Variants in ADARB2 observed in about 807,000 individuals in gnomAD.
ADARB2 encodes adenosine deaminase RNA specific B2 (inactive), also known as inactive double-stranded RNA-specific editase B2.
A neutral mutation model predicts 62.2 loss-of-function variants in ADARB2; 25 were observed. That is an observed-to-expected ratio of 0.40 (90% confidence interval 0.29 to 0.56). The LOEUF (loss-of-function observed/expected upper bound fraction) is 0.56. Among genes scored for constraint, ADARB2 ranks in the 20% least tolerant of loss-of-function variants. ADARB2 has a pLI of 0.43. For missense variants in ADARB2, 1,071 were observed against 1,077.4 expected (o/e 0.99, Z 0.08); for synonymous variants, 572 against 500.8 (o/e 1.14, Z -1.90).
intron 6 of ADARB2, among the ~76,000 whole-genome samples, chr10:1,218,111 C>T (rs953584236): frequency 1.4e-4 from 22 of 152,318 alleles, no homozygotes; most frequent in East Asian, 5.8e-4. Context: ...AGTGCAGTGG[C>T]GCAATCTCAG....
intron 6 of ADARB2, among the ~76,000 whole-genome samples, chr10:1,221,517 G>C (rs1221735349): frequency 1.3e-5 from 2 of 151,660 alleles, no homozygotes; most frequent in African/African-American, 2.4e-5. Context: ...GCTGCACCCA[G>C]TAACTCATCA....
intron 2 of ADARB2, among the ~76,000 whole-genome samples, chr10:1,367,224 T>C (rs1161510817): frequency 6.6e-6 from 1 of 152,260 alleles, no homozygotes; most frequent in Non-Finnish European, 1.5e-5. Context: ...CATCCGGCTC[T>C]TGGCCTCAGC....
intron 1 of ADARB2, among the ~76,000 whole-genome samples, chr10:1,618,032 G>T (rs563998691): frequency 1.2e-4 from 19 of 152,252 alleles, no homozygotes; most frequent in African/African-American, 4.3e-4. Flanking sequence ...ATGCCCTTTA[G>T]TTTCTGTGAC....
chr10:1,609,553 C>G (rs1833541242), intron 1 of ADARB2, among the ~76,000 whole-genome samples: 1 of 152,264 alleles, frequency 6.6e-6, no homozygotes, highest in Admixed American at 6.5e-5. Context: ...ACCTTCGGTC[C>G]TAAGCCAGGG....
chr10:1,589,526 G>A (rs1833223998), intron 1 of ADARB2, among the ~76,000 whole-genome samples: 3 of 152,200 alleles, frequency 2.0e-5, no homozygotes, highest in Admixed American at 2.0e-4. Flanking sequence ...CATGGTCCAG[G>A]CGTCCACAGT....
At chr10:1,207,910 G>A (rs1589151606) in intron 7 of ADARB2, among the ~76,000 whole-genome samples, 1 of 152,174 alleles carries the variant, frequency 6.6e-6, no homozygotes, top group East Asian at 1.9e-4. Context: ...TAGGAGCCTG[G>A]GGTTTGGCTG....
intron 7 of ADARB2, among the ~76,000 whole-genome samples, chr10:1,207,394 C>T (rs561878319): frequency 7.9e-4 from 120 of 152,212 alleles, no homozygotes; most frequent in Non-Finnish European, 1.2e-3. Flanking sequence ...ATTTTTAAAC[C>T]AGACTGGGGG....
intron 1 of ADARB2, among the ~76,000 whole-genome samples, chr10:1,407,487 G>T (rs1429538161): frequency 6.6e-6 from 1 of 152,216 alleles, no homozygotes; most frequent in African/African-American, 2.4e-5. Flanking sequence ...CTTAAAAAAT[G>T]GTTTCAGGTT....
At chr10:1,420,006 T>C (rs567303570) in intron 1 of ADARB2, among the ~76,000 whole-genome samples, 1 of 152,374 alleles carries the variant, frequency 6.6e-6, no homozygotes, top group African/African-American at 2.4e-5. Flanking sequence ...ATGCCCAGTC[T>C]GGCTTGAGAA....
At chr10:1,393,296 T>C (rs1210246355) in intron 1 of ADARB2, among the ~76,000 whole-genome samples, 1 of 152,230 alleles carries the variant, frequency 6.6e-6, no homozygotes, top group Non-Finnish European at 1.5e-5. Context: ...AGGCGTGCAA[T>C]GCATAACAAT....
intron 6 of ADARB2, among the ~76,000 whole-genome samples, chr10:1,227,155 A>G (rs1042598612): frequency 1.3e-5 from 2 of 152,212 alleles, no homozygotes; most frequent in African/African-American, 2.4e-5. Flanking sequence ...TTTGATCTGG[A>G]CTGCTGTGCT....
chr10:1,697,717 G>A (rs1474501420), intron 1 of ADARB2, among the ~76,000 whole-genome samples: 1 of 152,128 alleles, frequency 6.6e-6, no homozygotes, highest in African/African-American at 2.4e-5. Flanking sequence ...GTGAGTCCCC[G>A]GCGGGCTGAC....
rs114702982 is a variant in ADARB2, at chr10:1,312,110, G to A, written c.1078-41041C>T. 7.3e-3 allele frequency among the ~76,000 whole-genome samples: 1,117 copies of A among 152,332 alleles called. 17 individuals are homozygous for A. Among genetic ancestry groups the A allele is most frequent in the African/African-American group, 0.025 (1,022 of 41,562 alleles). On this transcript the variant is annotated intron_variant, in intron 3 of 9. Coordinates refer to ENST00000381312, the MANE Select transcript of ADARB2 (RefSeq NM_018702.4). ...CAATAATTCAGCTTGGAGGTGAAAT[G>A]GAACAGAAAAATAACTTTCTGGCTT...
intron 1 of ADARB2, among the ~76,000 whole-genome samples, chr10:1,624,143 G>A (rs552854617): frequency 6.6e-6 from 1 of 152,110 alleles, no homozygotes; most frequent in East Asian, 1.9e-4. Flanking sequence ...CTGAGGTGGG[G>A]GTATCACCTG....
At chr10:1,711,826 A>T (rs1255283371) in intron 1 of ADARB2, among the ~76,000 whole-genome samples, 1 of 152,238 alleles carries the variant, frequency 6.6e-6, no homozygotes, top group African/African-American at 2.4e-5. Flanking sequence ...CTAGGATAAG[A>T]AGAGGCTCTG....
intron 1 of ADARB2, among the ~76,000 whole-genome samples, chr10:1,521,345 G>T (rs116993471): frequency 6.6e-6 from 1 of 152,040 alleles, no homozygotes; most frequent in East Asian, 1.9e-4. Context: ...CTAACCACCT[G>T]TACTGTCTTA....
intron 1 of ADARB2, among the ~76,000 whole-genome samples, chr10:1,394,352 G>A (rs1832593889): frequency 6.6e-6 from 1 of 152,132 alleles, no homozygotes; most frequent in Non-Finnish European, 1.5e-5. Context: ...CAAGGCCCGC[G>A]GGTCACCTCT....
intron 1 of ADARB2, among the ~76,000 whole-genome samples, chr10:1,544,503 C>T (rs1325210684): frequency 6.6e-6 from 1 of 152,112 alleles, no homozygotes; most frequent in Non-Finnish European, 1.5e-5. Flanking sequence ...TTCCAGAGGA[C>T]CCAGCCAGAG....
At chr10:1,434,161 C>T (rs1830807508) in intron 1 of ADARB2, among the ~76,000 whole-genome samples, 1 of 151,956 alleles carries the variant, frequency 6.6e-6, no homozygotes. Flanking sequence ...TAAAATAACA[C>T]GAAGATTCAG....
Sources: allele counts gnomAD v4.1 joint callset (sites outside exome capture counted in the v4.1 genomes callset), GRCh38; gene constraint gnomAD v4.1.1; transcripts MANE v1.5; gene names NCBI Gene and HGNC (gene_info 2026-07-23, HGNC 2026-07-21).